ANKRD30B: variants seen among roughly 807,000 people sequenced by gnomAD.
The protein encoded by ANKRD30B is ankyrin repeat domain 30B.
A neutral mutation model predicts 202.2 loss-of-function variants in ANKRD30B; 144 were observed. That is an observed-to-expected ratio of 0.71 (90% CI 0.62 to 0.82). The LOEUF is 0.82. ANKRD30B is among the 40% of genes least tolerant of loss of function. The probability of loss-of-function intolerance (pLI) is 0.00; values close to 1 mark genes in which losing one functional copy is unlikely to be tolerated. For missense variants in ANKRD30B, 1,487 were observed against 1,669.1 expected, an observed-to-expected ratio of 0.89 and a Z score of 1.90; for synonymous variants, 508 against 561.3, an observed-to-expected ratio of 0.91 and a Z score of 1.34.
chr18:14,769,117 G>A (rs751248977), intron 7 of ANKRD30B, among the ~76,000 whole-genome samples: 5 of 152,082 alleles, frequency 3.3e-5, no homozygotes, highest in Admixed American at 6.6e-5. Flanking sequence ...ACAAGATCTG[G>A]ATCATGCACG....
intron 6 of ANKRD30B, 86 bp from the exon 7 acceptor site, chr18:14,763,600 A>G (rs781219032): frequency 4.4e-5 from 67 of 1,537,604 alleles, no homozygotes; most frequent in South Asian, 1.2e-5. Flanking sequence ...AGGAAAGCAT[A>G]CAGAATAAGT....
the ANKRD30B span, among the ~76,000 whole-genome samples, chr18:14,868,377 T>G: frequency 6.6e-6 from 1 of 152,278 alleles, no homozygotes; most frequent in South Asian, 2.1e-4. Context: ...CAGGTGTGAG[T>G]GGCAGCATTG....
chr18:14,889,721 T>C, the ANKRD30B span, among the ~76,000 whole-genome samples: 1 of 150,198 alleles, frequency 6.7e-6, no homozygotes, highest in East Asian at 1.9e-4. Context: ...AAAATGCACA[T>C]GGAATTTTAG....
intron 15 of ANKRD30B, among the ~76,000 whole-genome samples, chr18:14,787,660 C>A (rs1484080047): frequency 2.0e-5 from 3 of 152,148 alleles, no homozygotes; most frequent in African/African-American, 7.2e-5. Flanking sequence ...ATTGGTTGAG[C>A]AGTCTATTGA....
the ANKRD30B span, among the ~76,000 whole-genome samples, chr18:14,934,955 C>T: frequency 2.8e-4 from 42 of 150,642 alleles, no homozygotes; most frequent in Middle Eastern, 3.4e-3. Context: ...CACACCCCAT[C>T]GTGTCTGCAG....
intron 14 of ANKRD30B, among the ~76,000 whole-genome samples, chr18:14,785,903 TG>T (rs1968050306): frequency 6.6e-6 from 1 of 151,924 alleles, no homozygotes; most frequent in South Asian, 2.1e-4. Context: ...CCGGGTGCGG[TG>T]GCGGGCGCCT....
chr18:14,864,499 A>G, the ANKRD30B span, among the ~76,000 whole-genome samples: 3 of 151,620 alleles, frequency 2.0e-5, no homozygotes, highest in Non-Finnish European at 2.9e-5. Flanking sequence ...TTCTTCCTCC[A>G]TCTACCCCAA....
chr18:14,873,467 G>A, the ANKRD30B span, among the ~76,000 whole-genome samples: 2 of 148,154 alleles, frequency 1.3e-5, no homozygotes, highest in Non-Finnish European at 3.0e-5. Flanking sequence ...AGAGGTTGCA[G>A]TGAGCCGAGA....
At chr18:14,834,116 C>T (rs1039640777) in intron 34 of ANKRD30B, among the ~76,000 whole-genome samples, 4 of 152,058 alleles carry the variant, frequency 2.6e-5, no homozygotes, top group Admixed American at 2.0e-4. Flanking sequence ...CAACCTATAC[C>T]ATTTCAATGC....
At chr18:14,938,578 A>G in the ANKRD30B span, among the ~76,000 whole-genome samples, 1 of 152,200 alleles carries the variant, frequency 6.6e-6, no homozygotes, top group African/African-American at 2.4e-5. Flanking sequence ...GGCTATTTGC[A>G]GTTTTCAACT....
At chr18:14,809,799 T>G (rs35601866) in intron 26 of ANKRD30B, among the ~76,000 whole-genome samples, 187 bp from the exon 27 acceptor site, 19 of 150,942 alleles carry the variant, frequency 1.3e-4, no homozygotes, top group Admixed American at 7.9e-4. Context: ...TCCATAGCAA[T>G]AGTTTCAGGG....
intron 15 of ANKRD30B, among the ~76,000 whole-genome samples, chr18:14,788,173 C>A (rs777804048): frequency 2.6e-5 from 4 of 152,034 alleles, no homozygotes; most frequent in African/African-American, 9.7e-5. Context: ...TGTGTCATGG[C>A]AAGTAGAAAA....
intron 42 of ANKRD30B, among the ~76,000 whole-genome samples, chr18:14,853,533 G>T (rs1971973610): frequency 8.5e-6 from 1 of 118,006 alleles, no homozygotes; most frequent in African/African-American, 3.3e-5. Context: ...CACTAGTCCT[G>T]CCTTTTTTTT....
At chr18:14,930,097 G>C in the ANKRD30B span, among the ~76,000 whole-genome samples, 1 of 152,194 alleles carries the variant, frequency 6.6e-6, no homozygotes, top group East Asian at 1.9e-4. Flanking sequence ...CTGAGATAAA[G>C]GGTGGCATAT....
At chr18:14,841,847 G>C (rs567029926) in intron 37 of ANKRD30B, among the ~76,000 whole-genome samples, 1 of 152,224 alleles carries the variant, frequency 6.6e-6, no homozygotes, top group East Asian at 1.9e-4. Flanking sequence ...TACTAGAATT[G>C]GAGTAAACCA....
chr18:14,782,242 G>A (rs1161740449), intron 11 of ANKRD30B, among the ~76,000 whole-genome samples: 2 of 152,068 alleles, frequency 1.3e-5, no homozygotes, highest in Non-Finnish European at 2.9e-5. Flanking sequence ...TTTTAAGTGC[G>A]TTACTTTTTG....
At chr18:14,756,125 G>A (rs948885059) in intron 4 of ANKRD30B, among the ~76,000 whole-genome samples, 5 of 152,230 alleles carry the variant, frequency 3.3e-5, no homozygotes, top group African/African-American at 1.2e-4. Flanking sequence ...ATCTCATTGT[G>A]GTTTTGATTT....
intron 30 of ANKRD30B, among the ~76,000 whole-genome samples, chr18:14,821,710 A>G (rs927400276): frequency 7.2e-5 from 11 of 152,152 alleles, no homozygotes; most frequent in Non-Finnish European, 1.6e-4. Flanking sequence ...CGCCCTCTTC[A>G]GGCTTCCAAG....
chr18:14,862,038 T>C, the ANKRD30B span, among the ~76,000 whole-genome samples: 3 of 152,216 alleles, frequency 2.0e-5, no homozygotes, highest in African/African-American at 7.2e-5. Flanking sequence ...AAGACTTTTG[T>C]GTAAATAACA....
Sources: gnomAD v4.1 joint callset for allele counts (sites outside exome capture counted in the v4.1 genomes callset) on GRCh38, gnomAD v4.1.1 for gene constraint, MANE v1.5 for transcripts, NCBI Gene and HGNC (gene_info 2026-07-23, HGNC 2026-07-21) for gene names.